Variants in GLIS3 observed in about 807,000 individuals in gnomAD.
GLIS3 encodes the protein GLIS family zinc finger 3, also known as zinc finger protein GLIS3.
Under a neutral mutation model 78.6 loss-of-function variants are expected in GLIS3, and 53 were observed. The ratio of observed to expected loss-of-function variants is 0.67; its 90% CI spans 0.54 to 0.85. The LOEUF (loss-of-function observed/expected upper bound fraction) is 0.85, where lower values mean the gene tolerates loss of function less well. GLIS3 is among the 40% of genes least tolerant of loss of function. GLIS3 has a pLI of 0.00. For synonymous variants in GLIS3, 684 were observed against 509.9 expected (o/e 1.34, Z -4.60); for missense variants, 1,703 against 1,231.1 (o/e 1.38, Z -5.74).
chr9:4,375,851 G>C, the GLIS3 span, among the ~76,000 whole-genome samples: 2 of 152,074 alleles, frequency 1.3e-5, no homozygotes, highest in Non-Finnish European at 2.9e-5. Context: ...TGTCGTGATA[G>C]TAAGTCATTC....
chr9:4,431,607 G>A, the GLIS3 span, among the ~76,000 whole-genome samples: 1 of 152,180 alleles, frequency 6.6e-6, no homozygotes, highest in Non-Finnish European at 1.5e-5. Flanking sequence ...CACTTTGGGA[G>A]ACCAAGGCAG....
chr9:3,879,910 G>A (rs1416531940), intron 7 of GLIS3, among the ~76,000 whole-genome samples: 1 of 152,096 alleles, frequency 6.6e-6, no homozygotes, highest in Non-Finnish European at 1.5e-5. Flanking sequence ...TCTGTGCCAA[G>A]GTCTCTGTAT....
At chr9:4,098,109 A>G (rs1011631421) in intron 4 of GLIS3, among the ~76,000 whole-genome samples, 1 of 152,252 alleles carries the variant, frequency 6.6e-6, no homozygotes, top group Non-Finnish European at 1.5e-5. Context: ...GAGCTGGTGC[A>G]GTTGAGAGAT....
At chr9:4,066,135 T>G (rs189342934) in intron 4 of GLIS3, among the ~76,000 whole-genome samples, 2 of 152,174 alleles carry the variant, frequency 1.3e-5, no homozygotes, top group Admixed American at 1.3e-4. Context: ...TAATGCCTAT[T>G]TCAATTTCAA....
At chr9:3,950,214 C>T (rs116435342) in intron 4 of GLIS3, among the ~76,000 whole-genome samples, 1,631 of 152,286 alleles carry the variant, frequency 0.011, 36 homozygotes, top group African/African-American at 0.037. Context: ...ACTATGGCCT[C>T]CCACCTGGTC....
At chr9:4,127,636 T>G (rs1365938960) in intron 2 of GLIS3, among the ~76,000 whole-genome samples, 2 of 152,130 alleles carry the variant, frequency 1.3e-5, no homozygotes, top group Non-Finnish European at 2.9e-5. Context: ...CCTTTTTACC[T>G]TGAAAAAAAG....
the GLIS3 span, among the ~76,000 whole-genome samples, chr9:4,441,887 G>T: frequency 6.6e-6 from 1 of 152,190 alleles, no homozygotes; most frequent in African/African-American, 2.4e-5. Context: ...TTACAGGCGT[G>T]AGCCACCCAC....
At chr9:4,309,274 A>C (rs1325582998) in intron 3 of GLIS3, among the ~76,000 whole-genome samples, 1 of 152,254 alleles carries the variant, frequency 6.6e-6, no homozygotes, top group East Asian at 1.9e-4. Context: ...TGAACAAAGA[A>C]AAAGCAAGAA....
chr9:4,440,027 T>C, the GLIS3 span, among the ~76,000 whole-genome samples: 1 of 152,180 alleles, frequency 6.6e-6, no homozygotes, highest in South Asian at 2.1e-4. Flanking sequence ...CTTTCGCCCA[T>C]TTTGTAATAG....
At chr9:4,177,680 C>T (rs966624183) in intron 2 of GLIS3, among the ~76,000 whole-genome samples, 6 of 152,136 alleles carry the variant, frequency 3.9e-5, no homozygotes, top group African/African-American at 9.7e-5. Context: ...TTAGAAACTA[C>T]GCTAAGATTG....
chr9:4,255,499 C>G (rs7875026), intron 2 of GLIS3, among the ~76,000 whole-genome samples: 152,043 of 152,330 alleles, frequency 1, 75,880 homozygotes, highest in Middle Eastern at 1. Flanking sequence ...GATAAACAGT[C>G]GTATATCCAG....
At chr9:4,172,346 G>A (rs1816443742) in intron 2 of GLIS3, among the ~76,000 whole-genome samples, 1 of 152,008 alleles carries the variant, frequency 6.6e-6, no homozygotes, top group South Asian at 2.1e-4. Flanking sequence ...GGTATAGGAT[G>A]GTCCACTCCA....
At chr9:4,235,292 C>G (rs1300616646) in intron 2 of GLIS3, among the ~76,000 whole-genome samples, 3 of 77,402 alleles carry the variant, frequency 3.9e-5, no homozygotes, top group African/African-American at 5.3e-5. Context: ...CAGTGAGACT[C>G]TGTCTCAAAA....
At chr9:4,091,525 GCACACAAACACA>G (rs770342775) in intron 4 of GLIS3, among the ~76,000 whole-genome samples, 1 of 151,828 alleles carries the variant, frequency 6.6e-6, no homozygotes, top group Non-Finnish European at 1.5e-5. Context: ...ACGCACACGT[GCACACAAACACA>G]CACACACACA....
chr9:3,926,357 A>G (rs1161639035), intron 6 of GLIS3, among the ~76,000 whole-genome samples: 8 of 151,266 alleles, frequency 5.3e-5, no homozygotes, highest in Admixed American at 4.6e-4. Flanking sequence ...CAGCCTCCAG[A>G]GTAGCTGGGA....
the GLIS3 span, among the ~76,000 whole-genome samples, chr9:4,366,922 G>C: frequency 1.3e-5 from 2 of 151,502 alleles, no homozygotes; most frequent in African/African-American, 4.8e-5. Context: ...GCTCCCTCTT[G>C]TGGTCGAGCA....
intron 4 of GLIS3, among the ~76,000 whole-genome samples, chr9:4,114,358 T>C (rs1831462517): frequency 6.6e-6 from 1 of 152,158 alleles, no homozygotes; most frequent in Non-Finnish European, 1.5e-5. Context: ...TTAGTGTACA[T>C]CTATTGTTTG....
intron 4 of GLIS3, among the ~76,000 whole-genome samples, chr9:4,023,006 G>T (rs142229336): frequency 6.6e-6 from 1 of 152,252 alleles, no homozygotes; most frequent in South Asian, 2.1e-4. Flanking sequence ...GTGATTTCAC[G>T]GAGGTACACA....
chr9:3,885,994 T>C lies in GLIS3; in HGVS notation c.2129-6399A>G, dbSNP rs368337834. On this transcript the variant is annotated intron_variant, in intron 7 of 10. Coordinates refer to ENST00000381971, the MANE Select transcript of GLIS3 (RefSeq NM_001042413.2). ...CCTCACTGGACTGTGACGAGGATTATAGAATGAGCAGAAAACACTGAGCAT... is the reference window on the plus strand; with the variant it reads ...CCTCACTGGACTGTGACGAGGATTACAGAATGAGCAGAAAACACTGAGCAT... 4.3e-4 allele frequency among the ~76,000 whole-genome samples: 65 copies of C among 152,344 alleles called. 1 individual carries two copies. The highest frequency in any genetic ancestry group is 1.6e-3 in the African/African-American group (65 of 41,588).
Sources: gnomAD v4.1 joint callset for allele counts (sites outside exome capture counted in the v4.1 genomes callset) on GRCh38, gnomAD v4.1.1 for gene constraint, MANE v1.5 for transcripts, NCBI Gene and HGNC (gene_info 2026-07-23, HGNC 2026-07-21) for gene names.